MRTFB: variants seen among roughly 807,000 people sequenced by gnomAD.
MRTFB encodes myocardin-related transcription factor B.
In MRTFB, 29 loss-of-function variants were observed where a neutral mutation model predicts 104.2. The observed-to-expected ratio is 0.28, with a 90% CI of 0.21 to 0.38. MRTFB has a LOEUF of 0.38. MRTFB is among the 10% of genes least tolerant of loss of function. The pLI, the probability that MRTFB is intolerant of heterozygous loss-of-function variation, is 1.00. For missense variants in MRTFB, 1,270 were observed against 1,341.6 expected (o/e 0.95, Z 0.83); for synonymous variants, 535 against 519.5 (o/e 1.03, Z -0.41).
chr16:14,129,752 C>T (rs2037344339), intron 2 of MRTFB, among the ~76,000 whole-genome samples: 1 of 152,156 alleles, frequency 6.6e-6, no homozygotes, highest in Non-Finnish European at 1.5e-5. Context: ...ATTTTAATTG[C>T]ATTTCCGTAA....
chr16:13,995,821 G>T, the MRTFB span, among the ~76,000 whole-genome samples: 2 of 151,956 alleles, frequency 1.3e-5, no homozygotes, highest in African/African-American at 4.8e-5. Context: ...GAACAGCAAG[G>T]GGGATGACCG....
the MRTFB span, among the ~76,000 whole-genome samples, chr16:14,038,756 T>C: frequency 6.6e-6 from 1 of 152,174 alleles, no homozygotes; most frequent in Non-Finnish European, 1.5e-5. Context: ...TTCTGGTTCA[T>C]GGTTGTATTA....
In MRTFB at chr16:14,144,926, G is replaced by A. The variant is rs185448003; in HGVS notation, c.154+4166G>A. 6.8e-5 allele frequency: 10 copies of A among 147,602 alleles called. No homozygotes were observed. In the East Asian group the frequency reaches 1.8e-3, roughly 26 times the overall value. 9.1% of individuals were successfully genotyped at this position (147,602 alleles called of 1,614,324 possible). On this transcript the variant is annotated intron_variant, in intron 3 of 16. Coordinates refer to ENST00000571589, the MANE Select transcript of MRTFB (RefSeq NM_001308142.2). ...ATTGCACCACTGCACTCCATCCTGG[G>A]TGACAGAGCAAGACTCTGTCTCAAA...
At chr16:14,046,627 C>G in the MRTFB span, among the ~76,000 whole-genome samples, 15 of 152,262 alleles carry the variant, frequency 9.9e-5, no homozygotes, top group East Asian at 2.7e-3. Flanking sequence ...GCTCCACCGC[C>G]CTAAAGGTGC....
At chr16:14,017,424 G>A in the MRTFB span, among the ~76,000 whole-genome samples, 1 of 151,472 alleles carries the variant, frequency 6.6e-6, no homozygotes, top group Non-Finnish European at 1.5e-5. Flanking sequence ...TGGAACAAGA[G>A]ATGAATGGAA....
chr16:14,051,060 A>G, the MRTFB span, among the ~76,000 whole-genome samples: 1 of 152,204 alleles, frequency 6.6e-6, no homozygotes, highest in African/African-American at 2.4e-5. Flanking sequence ...TTTCCAACAC[A>G]CACACAAAGA....
chr16:14,061,155 AC>A, the MRTFB span, among the ~76,000 whole-genome samples: 1 of 151,972 alleles, frequency 6.6e-6, no homozygotes, highest in African/African-American at 2.4e-5. Context: ...CAAAAAAAAA[AC>A]AAAAAAAAAC....
intron 4 of MRTFB, among the ~76,000 whole-genome samples, chr16:14,210,830 A>T (rs1310528083): frequency 6.6e-6 from 1 of 152,140 alleles, no homozygotes; most frequent in Admixed American, 6.5e-5. Context: ...TTTCCCTTCT[A>T]TCCCTAGGGT....
the MRTFB span, among the ~76,000 whole-genome samples, chr16:14,007,521 C>T: frequency 1.1e-4 from 17 of 152,138 alleles, no homozygotes; most frequent in Non-Finnish European, 2.1e-4. Flanking sequence ...ATGAATAATA[C>T]GGCTATGAAC....
chr16:14,005,880 T>G, the MRTFB span, among the ~76,000 whole-genome samples: 1 of 152,202 alleles, frequency 6.6e-6, no homozygotes, highest in African/African-American at 2.4e-5. Flanking sequence ...AAAAGGTATG[T>G]GGGATAATAT....
chr16:14,082,390 C>T (rs1275469254), intron 2 of MRTFB, among the ~76,000 whole-genome samples: 1 of 152,102 alleles, frequency 6.6e-6, no homozygotes, highest in Non-Finnish European at 1.5e-5. Context: ...CTATTCCATT[C>T]GTCTATGTGT....
chr16:14,181,704 A>G (rs553148228), intron 3 of MRTFB, among the ~76,000 whole-genome samples: 8 of 152,322 alleles, frequency 5.3e-5, no homozygotes, highest in African/African-American at 1.4e-4. Context: ...GGTTTTTTTC[A>G]TAGTGAAGTA....
chr16:14,197,558 T>A (rs545654806), intron 3 of MRTFB, among the ~76,000 whole-genome samples: 21 of 152,368 alleles, frequency 1.4e-4, no homozygotes, highest in African/African-American at 4.6e-4. Flanking sequence ...TATTCTTAAA[T>A]GTGACATTGT....
intron 8 of MRTFB, among the ~76,000 whole-genome samples, chr16:14,229,537 A>G (rs910520126): frequency 3.3e-5 from 5 of 152,262 alleles, no homozygotes; most frequent in Admixed American, 2.6e-4. Flanking sequence ...AGAAATTCTA[A>G]TAAAGAGGAA....
At chr16:14,058,993 T>G in the MRTFB span, among the ~76,000 whole-genome samples, 2 of 152,096 alleles carry the variant, frequency 1.3e-5, no homozygotes, top group African/African-American at 4.8e-5. Flanking sequence ...GTGCTGGGAT[T>G]ACAGGCATGA....
intron 3 of MRTFB, among the ~76,000 whole-genome samples, chr16:14,161,287 T>G (rs2039028873): frequency 6.6e-6 from 1 of 152,096 alleles, no homozygotes; most frequent in Non-Finnish European, 1.5e-5. Flanking sequence ...AGACAGATAG[T>G]CTGACCAATG....
At chr16:14,036,296 T>TATA in the MRTFB span, among the ~76,000 whole-genome samples, 68 of 98,310 alleles carry the variant, frequency 6.9e-4, 1 homozygote, top group East Asian at 2.2e-3. Context: ...TTATATATAT[T>TATA]TATATATATA....
At chr16:14,253,941 T>C (rs985202702) in intron 15 of MRTFB, among the ~76,000 whole-genome samples, 7 of 152,222 alleles carry the variant, frequency 4.6e-5, no homozygotes, top group African/African-American at 1.4e-4. Flanking sequence ...ACATCTATTC[T>C]CTTCACAGGG....
the MRTFB span, among the ~76,000 whole-genome samples, chr16:14,029,041 A>C: frequency 6.6e-6 from 1 of 151,994 alleles, no homozygotes; most frequent in African/African-American, 2.4e-5. Context: ...ACCAGAGGAC[A>C]GGTGCAGTGG....
Sources: gnomAD v4.1 joint callset for allele counts (sites outside exome capture counted in the v4.1 genomes callset) on GRCh38, gnomAD v4.1.1 for gene constraint, MANE v1.5 for transcripts, NCBI Gene and HGNC (gene_info 2026-07-23, HGNC 2026-07-21) for gene names.